The following GRID2 variants were observed in gnomAD, a reference collection of about 807,000 sequenced individuals.
GRID2 encodes glutamate receptor ionotropic, delta-2.
In GRID2, 33 loss-of-function variants were observed where a neutral mutation model predicts 114.8. That is an observed-to-expected ratio of 0.29 (90% CI 0.22 to 0.38). GRID2 has a LOEUF of 0.38. Ranked by LOEUF, GRID2 falls within the 10% of genes least tolerant of loss-of-function variation. The pLI, the probability that GRID2 is intolerant of heterozygous loss-of-function variation, is 1.00. For synonymous variants in GRID2, 505 were observed against 449.9 expected, an observed-to-expected ratio of 1.12 and a Z score of -1.55; for missense variants, 1,184 against 1,257.7, an observed-to-expected ratio of 0.94 and a Z score of 0.89.
At chr4:93,068,533 T>C (rs375704453) in intron 2 of GRID2, among the ~76,000 whole-genome samples, 1 of 152,118 alleles carries the variant, frequency 6.6e-6, no homozygotes. Context: ...CAGGGAACTA[T>C]GTCATAGTAG....
At chr4:93,207,592 T>C in intron 5 of GRID2, 135 bp downstream of exon 5, 1 of 612,388 alleles carries the variant, frequency 1.6e-6, no homozygotes, top group South Asian at 2.0e-5. Context: ...GTGAATGCTG[T>C]TTAACAAAGA....
chr4:92,806,879 A>G (rs1361593538), intron 2 of GRID2, among the ~76,000 whole-genome samples: 3 of 151,982 alleles, frequency 2.0e-5, no homozygotes, highest in Non-Finnish European at 4.4e-5. Flanking sequence ...GGCAGAGGGC[A>G]GAGGTGAAGT....
At chr4:92,762,656 A>G (rs1021482073) in intron 2 of GRID2, among the ~76,000 whole-genome samples, 2 of 152,180 alleles carry the variant, frequency 1.3e-5, no homozygotes, top group East Asian at 1.9e-4. Context: ...AGTTGTATGC[A>G]GAGTCTGTGG....
chr4:92,963,217 C>G (rs1752934375), intron 2 of GRID2, among the ~76,000 whole-genome samples: 1 of 151,936 alleles, frequency 6.6e-6, no homozygotes, highest in African/African-American at 2.4e-5. Flanking sequence ...GAGGCAATTT[C>G]TTAAAGTAAA....
intron 2 of GRID2, among the ~76,000 whole-genome samples, chr4:93,054,505 G>A (rs1414351831): frequency 1.3e-5 from 2 of 151,828 alleles, no homozygotes; most frequent in Non-Finnish European, 2.9e-5. Context: ...GTTTATATTT[G>A]CTGATTTGTT....
At chr4:92,663,159 T>C (rs1159160478) in intron 2 of GRID2, among the ~76,000 whole-genome samples, 1 of 151,002 alleles carries the variant, frequency 6.6e-6, no homozygotes, top group Non-Finnish European at 1.5e-5. Context: ...CTTGATACTC[T>C]AAAAAGAAAC....
At chr4:92,782,888 A>C (rs1739151002) in intron 2 of GRID2, among the ~76,000 whole-genome samples, 1 of 152,100 alleles carries the variant, frequency 6.6e-6, no homozygotes. Context: ...AGGCTACTTA[A>C]GGAAATTTTA....
intron 2 of GRID2, among the ~76,000 whole-genome samples, chr4:92,698,918 A>T (rs1410692162): frequency 1.3e-5 from 2 of 152,176 alleles, no homozygotes; most frequent in African/African-American, 4.8e-5. Flanking sequence ...ATATCATAAA[A>T]TTGCTCATTC....
chr4:92,591,059 C>T (rs1728687591), intron 2 of GRID2, among the ~76,000 whole-genome samples: 1 of 152,116 alleles, frequency 6.6e-6, no homozygotes. Flanking sequence ...ATGTTTGTGT[C>T]CCCTCCTACC....
chr4:93,606,139 T>C (rs1002475900), intron 13 of GRID2, among the ~76,000 whole-genome samples: 1 of 152,166 alleles, frequency 6.6e-6, no homozygotes, highest in East Asian at 1.9e-4. Flanking sequence ...TGGTGGCATG[T>C]GCCTATAGTC....
intron 2 of GRID2, among the ~76,000 whole-genome samples, chr4:92,705,763 G>T (rs1734923310): frequency 6.6e-6 from 1 of 152,098 alleles, no homozygotes; most frequent in Non-Finnish European, 1.5e-5. Context: ...CTCAAAGTTG[G>T]TTTTTCTATT....
chr4:92,992,993 T>G (rs1292278978), intron 2 of GRID2, among the ~76,000 whole-genome samples: 1 of 152,078 alleles, frequency 6.6e-6, no homozygotes, highest in African/African-American at 2.4e-5. Flanking sequence ...AGAGTGAGGC[T>G]TACTGGCTTC....
intron 2 of GRID2, among the ~76,000 whole-genome samples, chr4:93,065,051 T>C (rs1443725073): frequency 1.3e-5 from 2 of 151,890 alleles, no homozygotes; most frequent in African/African-American, 4.8e-5. Flanking sequence ...TTTGTGTTTT[T>C]CAATACAAAG....
At chr4:92,921,490 G>T (rs962600383) in intron 2 of GRID2, among the ~76,000 whole-genome samples, 12 of 152,018 alleles carry the variant, frequency 7.9e-5, no homozygotes, top group Non-Finnish European at 1.3e-4. Context: ...ATCTACCTTT[G>T]GTCTTTGATC....
rs557874353 is a variant in GRID2, at chr4:93,182,723, G to A, written c.736-24681G>A. ...CAAGATTCTACACCCAGACATCACC[G>A]TCCTTATAAACAATTTATCACTTTA... On this transcript the variant is annotated intron_variant, in intron 4 of 15. Coordinates refer to ENST00000282020, the MANE Select transcript of GRID2 (RefSeq NM_001510.4). Among the ~76,000 whole-genome samples the A allele has an allele frequency of 2.3e-4, 35 of 152,214 alleles. No individual in the cohort carries two copies. The South Asian group carries it at 2.5e-3, about 11-fold the overall frequency.
At chr4:93,229,245 T>C (rs913172618) in intron 7 of GRID2, among the ~76,000 whole-genome samples, 1 of 152,152 alleles carries the variant, frequency 6.6e-6, no homozygotes, top group Non-Finnish European at 1.5e-5. Flanking sequence ...ACTCCACACA[T>C]TAAGTGAGAA....
intron 12 of GRID2, among the ~76,000 whole-genome samples, chr4:93,510,648 A>G (rs895858285): frequency 3.3e-5 from 5 of 152,136 alleles, no homozygotes; most frequent in African/African-American, 1.2e-4. Context: ...TATTTATTCT[A>G]TTTCAGTGCA....
At chr4:92,447,542 G>A (rs1443854167) in intron 1 of GRID2, among the ~76,000 whole-genome samples, 1 of 152,174 alleles carries the variant, frequency 6.6e-6, no homozygotes, top group Non-Finnish European at 1.5e-5. Flanking sequence ...TTTATGAATA[G>A]CTGGCTCTTA....
At chr4:92,819,022 G>C (rs1404936739) in intron 2 of GRID2, among the ~76,000 whole-genome samples, 3 of 152,020 alleles carry the variant, frequency 2.0e-5, no homozygotes, top group Admixed American at 6.6e-5. Flanking sequence ...TGCTGTGATA[G>C]GTTAGTAATG....
Sources: allele counts gnomAD v4.1 joint callset (sites outside exome capture counted in the v4.1 genomes callset), GRCh38; gene constraint gnomAD v4.1.1; transcripts MANE v1.5; gene names NCBI Gene and HGNC (gene_info 2026-07-23, HGNC 2026-07-21).